Variants in DENND2B observed in about 807,000 individuals in gnomAD.
The protein encoded by DENND2B is DENN domain-containing protein 2B.
DENND2B carries 32 observed loss-of-function variants against 116.0 expected under a neutral mutation model. The observed-to-expected ratio is 0.28, with a 90% CI of 0.21 to 0.37. The LOEUF (loss-of-function observed/expected upper bound fraction) is 0.37, where lower values mean the gene tolerates loss of function less well. Among genes scored for constraint, DENND2B ranks in the 10% least tolerant of loss-of-function variants. The pLI is 1.00. For synonymous variants in DENND2B, 588 were observed against 583.9 expected (o/e 1.01, Z -0.10); for missense variants, 1,276 against 1,477.7 (o/e 0.86, Z 2.24).
intron 1 of DENND2B, among the ~76,000 whole-genome samples, chr11:8,882,390 T>C (rs2063912574): frequency 6.6e-6 from 1 of 152,216 alleles, no homozygotes; most frequent in Non-Finnish European, 1.5e-5. Flanking sequence ...GCTCACTTCA[T>C]AGCCCATAAC....
At chr11:8,738,268 T>C (rs557200120) in intron 2 of DENND2B, among the ~76,000 whole-genome samples, 3 of 152,222 alleles carry the variant, frequency 2.0e-5, no homozygotes, top group Non-Finnish European at 4.4e-5. Context: ...ACGCTTCAGT[T>C]GATCACTCCC....
At chr11:8,882,594 ATAAT>A (rs755498118) in intron 1 of DENND2B, among the ~76,000 whole-genome samples, 18 of 152,260 alleles carry the variant, frequency 1.2e-4, no homozygotes, top group Non-Finnish European at 2.2e-4. Flanking sequence ...TGACTATGTA[ATAAT>A]TAATTAATCA....
chr11:8,788,066 T>C (rs373751394), intron 1 of DENND2B, among the ~76,000 whole-genome samples: 24 of 152,188 alleles, frequency 1.6e-4, no homozygotes, highest in South Asian at 1.5e-3. Context: ...AAGAGGGAAG[T>C]GGTCGCCAGC....
At chr11:8,804,264 G>C (rs187768431) in intron 1 of DENND2B, among the ~76,000 whole-genome samples, 2 of 152,250 alleles carry the variant, frequency 1.3e-5, no homozygotes, top group Admixed American at 1.3e-4. Context: ...GTCCTCCTTG[G>C]CTGCTGGTGA....
At chr11:8,867,644 T>C (rs1175760758) in intron 2 of DENND2B, among the ~76,000 whole-genome samples, 1 of 138,246 alleles carries the variant, frequency 7.2e-6, no homozygotes, top group East Asian at 2.3e-4. Context: ...AGTGGCATGA[T>C]CATGGCTTAC....
rs745627859 is a variant in DENND2B at position 8,697,514 on chromosome 11, A to C, written c.3052+11T>G. 6.2e-7 allele frequency: 1 copy of C among 1,608,638 alleles called. No individual in the cohort carries two copies. Among genetic ancestry groups the C allele is most frequent in the Admixed American group, 1.7e-5 (1 of 60,030 alleles). On this transcript the variant is annotated intron_variant, in intron 17 of 19. Transcript: ENST00000313726. ...GGAGCAGAGCTGACCGTGCCCGGGC[A>C]CTATTCTCACCATCGTCGGAGTCGC... is the stretch of plus-strand genomic sequence containing the variant.
intron 1 of DENND2B, among the ~76,000 whole-genome samples, chr11:8,802,041 C>T (rs1385965555): frequency 6.7e-6 from 1 of 149,704 alleles, no homozygotes; most frequent in Non-Finnish European, 1.5e-5. Context: ...TGGCTCACAC[C>T]TATAATCCCA....
chr11:8,761,623 AT>A (rs1419942077), intron 1 of DENND2B, among the ~76,000 whole-genome samples: 1 of 152,084 alleles, frequency 6.6e-6, no homozygotes, highest in East Asian at 1.9e-4. Flanking sequence ...TCTTTCTTAA[AT>A]ATCCAGTTCA....
At chr11:8,879,846 A>G (rs1036300045) in intron 2 of DENND2B, among the ~76,000 whole-genome samples, 2 of 152,216 alleles carry the variant, frequency 1.3e-5, no homozygotes, top group African/African-American at 4.8e-5. Flanking sequence ...TCAGTCAGAG[A>G]TGACCAAATT....
At chr11:8,846,167 C>T (rs539511076) in intron 3 of DENND2B, among the ~76,000 whole-genome samples, 1 of 152,272 alleles carries the variant, frequency 6.6e-6, no homozygotes, top group South Asian at 2.1e-4. Flanking sequence ...ACTGCTGAGG[C>T]TTGTTATGAA....
intron 2 of DENND2B, among the ~76,000 whole-genome samples, chr11:8,866,404 T>C (rs913458853): frequency 1.3e-5 from 2 of 152,188 alleles, no homozygotes; most frequent in African/African-American, 4.8e-5. Context: ...TTCTAACATT[T>C]AAATAAGGGC....
In DENND2B at chr11:8,714,661, T is replaced by G; in HGVS notation, c.1891A>C (p.Lys631Gln). ...NSIYNAKRGK[K>Q]RLKKLSMSSI... The stretch of plus-strand genomic sequence containing the variant: ...GACATAGACAACTTTTTTAATCTCT[T>G]CTTTCCTCTCTTGGCATTGTAGATG... The change falls in exon 7 of 20, where the codon AAG (lysine) becomes CAG (glutamine). Residue 631 changes from lysine (K) to glutamine (Q), a missense_variant. This residue lies in a region of DENND2B where 856 missense variants were observed against 846.6 expected (regional missense o/e 1.01). Coordinates refer to ENST00000313726, the MANE Select transcript of DENND2B (RefSeq NM_213618.2). 6.2e-7 allele frequency: 1 copy of G among 1,614,198 alleles called. No homozygotes were observed. Among genetic ancestry groups the G allele is most frequent in the Non-Finnish European group, 8.5e-7 (1 of 1,180,044 alleles).
intron 18 of DENND2B, 21 bp from the exon 19 acceptor site, chr11:8,695,570 C>T (rs372269718): frequency 1.9e-6 from 3 of 1,609,490 alleles, no homozygotes; most frequent in African/African-American, 1.3e-5. Context: ...GAAACAGGCA[C>T]AGGGAAGAGA....
intron 3 of DENND2B, among the ~76,000 whole-genome samples, chr11:8,851,127 T>C (rs371691852): frequency 2.3e-4 from 35 of 152,240 alleles, no homozygotes; most frequent in African/African-American, 7.7e-4. Context: ...ATGGCAACTA[T>C]AGTTAATAAC....
intron 2 of DENND2B, among the ~76,000 whole-genome samples, chr11:8,736,270 G>T (rs2049011945): frequency 6.6e-6 from 1 of 152,078 alleles, no homozygotes; most frequent in Non-Finnish European, 1.5e-5. Context: ...AGGACTGCTA[G>T]AGCCTGGGAG....
chr11:8,821,420 C>G lies in DENND2B; in HGVS notation c.-114-10085G>C, dbSNP rs953408798. Among the ~76,000 whole-genome samples the G allele has an allele frequency of 3.3e-4, 35 of 106,366 alleles. No homozygotes were observed. The Admixed American group carries it at 4.4e-3, about 13-fold the overall frequency. The allele number at this position is 106,366 out of a possible 152,430, so 69.8% of individuals were successfully genotyped here. Reference sequence around the variant, plus strand: ...CCTGGGCAACATAGAGACCTTGTCTCTACCAAAAATAAAAAAAAAAAATTA... The same window carrying G: ...CCTGGGCAACATAGAGACCTTGTCTGTACCAAAAATAAAAAAAAAAAATTA... On this transcript the variant is annotated intron_variant, in intron 4 of 6. Transcript: ENST00000524757.
intron 1 of DENND2B, among the ~76,000 whole-genome samples, chr11:8,898,719 A>T (rs1425967777): frequency 6.6e-6 from 1 of 152,230 alleles, no homozygotes; most frequent in African/African-American, 2.4e-5. Flanking sequence ...AATAGAGACC[A>T]CATTGACTAC....
intron 3 of DENND2B, among the ~76,000 whole-genome samples, chr11:8,854,292 C>A (rs1237019720): frequency 2.0e-5 from 3 of 152,060 alleles, no homozygotes; most frequent in Non-Finnish European, 4.4e-5. Context: ...ACCTCCACCT[C>A]CTGGGTTCAA....
chr11:8,703,022 T>C, intron 13 of DENND2B: 1 of 389,658 alleles, frequency 2.6e-6, no homozygotes, highest in Non-Finnish European at 4.7e-6. Context: ...CTGACTGCTC[T>C]TAGAGATAGG....
Sources: gnomAD v4.1 joint callset for allele counts (sites outside exome capture counted in the v4.1 genomes callset) on GRCh38, gnomAD v4.1.1 for gene constraint, gnomAD v4.1.1 regional missense constraint, MANE v1.5 for transcripts, NCBI Gene and HGNC (gene_info 2026-07-23, HGNC 2026-07-21) for gene names.